The following FBXL7 variants were observed in gnomAD, a reference collection of about 807,000 sequenced individuals.
The protein encoded by FBXL7 is F-box and leucine rich repeat protein 7.
Under a neutral mutation model 38.3 loss-of-function variants are expected in FBXL7, and 12 were observed. That is an observed-to-expected ratio of 0.31 (90% CI 0.20 to 0.51). The LOEUF is 0.51. FBXL7 is among the 20% of genes least tolerant of loss of function. FBXL7 has a pLI of 0.98. For missense variants in FBXL7, 567 were observed against 676.4 expected, an observed-to-expected ratio of 0.84 and a Z score of 1.79; for synonymous variants, 297 against 300.9, an observed-to-expected ratio of 0.99 and a Z score of 0.13.
At chr5:15,728,187 G>C (rs1333051861) in intron 2 of FBXL7, among the ~76,000 whole-genome samples, 2 of 151,922 alleles carry the variant, frequency 1.3e-5, no homozygotes, top group Non-Finnish European at 2.9e-5. Flanking sequence ...TAAAGTCTTT[G>C]CCTAGTATAT....
chr5:15,583,907 CTT>C (rs1455078658), intron 1 of FBXL7, among the ~76,000 whole-genome samples: 3 of 152,214 alleles, frequency 2.0e-5, no homozygotes, highest in Non-Finnish European at 4.4e-5. Flanking sequence ...CTACAGCAAA[CTT>C]CTCTCTGGAC....
intron 2 of FBXL7, among the ~76,000 whole-genome samples, chr5:15,864,454 C>A (rs1330310243): frequency 6.6e-6 from 1 of 151,790 alleles, no homozygotes. Context: ...TTATAGCAAT[C>A]CAAATGGACT....
chr5:15,774,779 A>G (rs1736818080), intron 2 of FBXL7, among the ~76,000 whole-genome samples: 1 of 152,138 alleles, frequency 6.6e-6, no homozygotes, highest in African/African-American at 2.4e-5. Context: ...TCTGATTCTC[A>G]CTCTTGAATT....
At chr5:15,726,005 T>C (rs1011065229) in intron 2 of FBXL7, among the ~76,000 whole-genome samples, 2 of 152,218 alleles carry the variant, frequency 1.3e-5, no homozygotes, top group African/African-American at 4.8e-5. Context: ...TGTATTTCTG[T>C]CTTCAATTCT....
At chr5:15,872,695 A>C (rs556711457) in intron 2 of FBXL7, among the ~76,000 whole-genome samples, 5 of 152,228 alleles carry the variant, frequency 3.3e-5, no homozygotes, top group Admixed American at 2.0e-4. Context: ...AGGACATTAC[A>C]TAATGGTAAA....
At chr5:15,676,181 G>A (rs1012489128) in intron 2 of FBXL7, among the ~76,000 whole-genome samples, 1 of 152,186 alleles carries the variant, frequency 6.6e-6, no homozygotes, top group Admixed American at 6.5e-5. Flanking sequence ...CAACTTGGCT[G>A]GGGGTGGCTC....
At chr5:15,882,938 A>C (rs536464301) in intron 2 of FBXL7, among the ~76,000 whole-genome samples, 1 of 146,000 alleles carries the variant, frequency 6.8e-6, no homozygotes, top group Non-Finnish European at 1.5e-5. Context: ...AATTAAATGT[A>C]TTTTCTGATA....
At chr5:15,691,604 C>T (rs1298889313) in intron 2 of FBXL7, among the ~76,000 whole-genome samples, 2 of 152,160 alleles carry the variant, frequency 1.3e-5, no homozygotes, top group East Asian at 1.9e-4. Context: ...TCCTCTGATG[C>T]CTGTTACCTT....
chr5:15,567,745 C>A (rs961665847), intron 1 of FBXL7, among the ~76,000 whole-genome samples: 3 of 151,972 alleles, frequency 2.0e-5, no homozygotes, highest in South Asian at 4.2e-4. Flanking sequence ...ATCCCTCCCC[C>A]CTCACCCCAC....
intron 2 of FBXL7, among the ~76,000 whole-genome samples, chr5:15,659,987 C>T (rs188611872): frequency 6.6e-6 from 1 of 152,296 alleles, no homozygotes; most frequent in Non-Finnish European, 1.5e-5. Flanking sequence ...AACCAAATGA[C>T]TATGAAAAAT....
chr5:15,557,167 T>G (rs1433242712), intron 1 of FBXL7, among the ~76,000 whole-genome samples: 6 of 152,192 alleles, frequency 3.9e-5, no homozygotes, highest in Non-Finnish European at 7.3e-5. Context: ...CTCCATCTCT[T>G]GACCTCGTGA....
At position 15,655,325 on chromosome 5, in the gene FBXL7, G is replaced by C. The variant is rs139131191; in HGVS notation, c.127+39253G>C. The stretch of plus-strand genomic sequence containing the variant: ...AGCCTGGCCAGTATGGTGAAACCCT[G>C]TGTCTACTAAAAATACAAAAATTAA... On this transcript the variant is annotated intron_variant, in intron 2 of 3. Transcript: ENST00000504595. Among the ~76,000 whole-genome samples, 3 of 152,086 alleles carry C rather than the reference G, an allele frequency of 2.0e-5. No homozygotes were observed. The South Asian group carries it at 6.2e-4, about 32-fold the overall frequency.
intron 1 of FBXL7, among the ~76,000 whole-genome samples, chr5:15,613,268 G>A (rs1004808432): frequency 6.6e-6 from 1 of 152,194 alleles, no homozygotes; most frequent in African/African-American, 2.4e-5. Context: ...TAGGCCTGCA[G>A]AGTGAGAAGT....
chr5:15,886,513 C>T (rs1463503817), intron 2 of FBXL7, among the ~76,000 whole-genome samples: 2 of 152,146 alleles, frequency 1.3e-5, no homozygotes, highest in African/African-American at 2.4e-5. Context: ...CCTTAAAAAG[C>T]AACCCCAATG....
intron 2 of FBXL7, among the ~76,000 whole-genome samples, chr5:15,802,303 T>C (rs531413509): frequency 1.4e-4 from 22 of 152,240 alleles, no homozygotes; most frequent in African/African-American, 4.8e-4. Context: ...GTCAGGTCCC[T>C]GCTTAAAATT....
rs1308638610 is a variant in FBXL7, at chr5:15,939,115, A to G, written c.*1929A>G. 1 of 398,840 alleles carries G rather than the reference A, an allele frequency of 2.5e-6. No homozygotes were observed. Among genetic ancestry groups the G allele is most frequent in the Non-Finnish European group, 4.4e-6 (1 of 226,038 alleles). 24.7% of individuals were successfully genotyped at this position (398,840 alleles called of 1,614,324 possible). A position where few individuals can be genotyped will look rare whatever the true frequency, so the allele number is the denominator to read the frequency against. On this transcript the variant is annotated 3_prime_UTR_variant, in exon 4 of 4. Coordinates refer to ENST00000504595, the MANE Select transcript of FBXL7 (RefSeq NM_012304.5). The stretch of plus-strand genomic sequence containing the variant: ...TGTGATGAGGTGGTGTCTGCCCAGG[A>G]GGTTTCTTTCAAACATCATGGCCTC...
At chr5:15,626,572 G>GTGTGTGTGTT (rs1554010333) in intron 2 of FBXL7, among the ~76,000 whole-genome samples, 1 of 151,586 alleles carries the variant, frequency 6.6e-6, no homozygotes, top group African/African-American at 2.4e-5. Flanking sequence ...GTGTGTGTGT[G>GTGTGTGTGTT]TATGTGTACA....
intron 2 of FBXL7, among the ~76,000 whole-genome samples, chr5:15,817,738 T>C (rs1738056495): frequency 6.6e-6 from 1 of 152,182 alleles, no homozygotes; most frequent in Admixed American, 6.6e-5. Context: ...TTGCACCTCC[T>C]TCACCTTTCG....
chr5:15,854,760 A>G (rs1484724195), intron 2 of FBXL7, among the ~76,000 whole-genome samples: 2 of 152,208 alleles, frequency 1.3e-5, no homozygotes, highest in East Asian at 3.9e-4. Context: ...CATTTTTAAC[A>G]ATTTCCCATT....
Sources: allele counts gnomAD v4.1 joint callset (sites outside exome capture counted in the v4.1 genomes callset), GRCh38; gene constraint gnomAD v4.1.1; transcripts MANE v1.5; gene names NCBI Gene and HGNC (gene_info 2026-07-23, HGNC 2026-07-21).